The following RTEL1 variants were observed in gnomAD, a reference collection of about 807,000 sequenced individuals.
RTEL1 encodes the protein regulator of telomere elongation helicase 1.
RTEL1 carries 86 observed loss-of-function variants against 162.2 expected under a neutral mutation model. The observed-to-expected ratio is 0.53, with a 90% CI of 0.45 to 0.63. The LOEUF (loss-of-function observed/expected upper bound fraction) is 0.63, where lower values mean the gene tolerates loss of function less well. Ranked by LOEUF, RTEL1 falls within the 30% of genes least tolerant of loss-of-function variation. The probability of loss-of-function intolerance (pLI) is 0.00; values close to 1 mark genes in which losing one functional copy is unlikely to be tolerated. For synonymous variants in RTEL1, 958 were observed against 717.9 expected (o/e 1.33, Z -5.35); for missense variants, 1,941 against 1,750.2 (o/e 1.11, Z -1.95).
At position 63,678,251 on chromosome 20, in the gene RTEL1, ACCT is replaced by A. The variant is rs780132435; in HGVS notation, c.959-12_959-10del. 3 of 1,611,576 alleles carry A rather than the reference ACCT, an allele frequency of 1.9e-6. No homozygotes were observed. Among genetic ancestry groups the A allele is most frequent in the South Asian group, 1.1e-5 (1 of 90,970 alleles). ...TCCTCCTTGCGAGGAGGTGGGTGAC[ACCT>A]CCTCGACCCACAGTGATCCTGCTGC... On this transcript the variant is annotated splice_polypyrimidine_tract_variant and intron_variant, in intron 11 of 34. Transcript: ENST00000360203.
chr20:63,685,456 G>T, intron 14 of RTEL1, 67 bp from the exon 15 acceptor site: 1 of 1,513,226 alleles, frequency 6.6e-7, no homozygotes, highest in Non-Finnish European at 9.1e-7. Context: ...CTGTGTATGC[G>T]GCTGATGCTG....
rs542801049 is a variant in RTEL1, at chr20:63,690,457, G to A, written c.2413+16G>A. ...AGGTCCTCAGGTGCGGACGGGCAGC[G>A]CTGGGTGGGCGGTGTGGGGGTGGCG... On this transcript the variant is annotated intron_variant, in intron 26 of 34. Coordinates refer to ENST00000360203, the MANE Select transcript of RTEL1 (RefSeq NM_001283009.2). 32 of 1,551,874 alleles carry A rather than the reference G, an allele frequency of 2.1e-5. No homozygotes were observed. The highest frequency in any genetic ancestry group is 1.8e-4 in the South Asian group (15 of 83,802).
In RTEL1 at chr20:63,662,867, T is replaced by C. The variant is rs1182512155; in HGVS notation, c.516T>C (p.Cys172=). ...GTAAGAAGGTGGCAAGTCGCTCCTG[T>C]CATTTCTACAACAACGTAGAAGGTA... is the stretch of plus-strand genomic sequence containing the variant. ...LCRKKVASRS[C]HFYNNVEEKS... is the part of the protein sequence containing the mutation. Residue 172 remains cysteine, a synonymous_variant, in exon 6 of 35, where the codon TGT becomes TGC. Coordinates refer to ENST00000360203, the MANE Select transcript of RTEL1 (RefSeq NM_001283009.2). 4 of 1,613,912 alleles carry C rather than the reference T, an allele frequency of 2.5e-6. No individual in the cohort carries two copies. The highest frequency in any genetic ancestry group is 3.4e-6 in the Non-Finnish European group (4 of 1,180,040).
rs1555812507 is a variant in RTEL1 at position 63,691,842 on chromosome 20, G to A, written c.2652+5G>A. 1.2e-6 allele frequency: 2 copies of A among 1,607,426 alleles called. No individual in the cohort carries two copies. The highest frequency in any genetic ancestry group is 1.7e-6 in the Non-Finnish European group (2 of 1,178,282). On this transcript the variant is annotated splice_donor_5th_base_variant and intron_variant, in intron 28 of 34. Transcript: ENST00000360203. ...ATCCGGCTGGTCAGCCACCCGGTGCGTGAGCTGTCCCTGCACCTGTGCCGA... is the reference window on the plus strand; with the variant it reads ...ATCCGGCTGGTCAGCCACCCGGTGCATGAGCTGTCCCTGCACCTGTGCCGA...
intron 5 of RTEL1, 87 bp downstream of exon 5, chr20:63,662,714 G>C: frequency 6.2e-7 from 1 of 1,603,520 alleles, no homozygotes; most frequent in Non-Finnish European, 8.5e-7. Flanking sequence ...CTCCCGCTGG[G>C]CTAGGGTTTG....
intron 1 of RTEL1, 200 bp downstream of exon 1, chr20:63,658,666 C>G (rs1218452461): frequency 6.6e-6 from 1 of 152,338 alleles, no homozygotes; most frequent in Non-Finnish European, 1.5e-5. Flanking sequence ...GAGCCCTTGA[C>G]CGGGGCTGGA....
intron 13 of RTEL1, among the ~76,000 whole-genome samples, 163 bp downstream of exon 13, chr20:63,680,109 A>G (rs963445239): frequency 1.3e-5 from 2 of 152,200 alleles, no homozygotes; most frequent in Admixed American, 1.3e-4. Flanking sequence ...CGTTAGTGCC[A>G]CTTGCCAGCT....
intron 30 of RTEL1, 97 bp downstream of exon 30, chr20:63,693,380 C>A: frequency 6.9e-7 from 1 of 1,454,726 alleles, no homozygotes; most frequent in Non-Finnish European, 9.4e-7. Flanking sequence ...TCGGGCCCTG[C>A]TTGGCCCCGC....
intron 1 of RTEL1, chr20:63,658,744 C>T (rs959540148): frequency 6.5e-6 from 1 of 153,690 alleles, no homozygotes; most frequent in Non-Finnish European, 1.5e-5. Flanking sequence ...GGGATTGAGG[C>T]TTAGAGAAGT....
At chr20:63,691,628 C>A (rs961106633) in intron 27 of RTEL1, 114 bp from the exon 28 acceptor site, 2 of 880,996 alleles carry the variant, frequency 2.3e-6, no homozygotes, top group African/African-American at 3.3e-5. Flanking sequence ...CTCCCCCGAC[C>A]TCCATCTTGG....
chr20:63,662,692 C>A (rs41298344), intron 5 of RTEL1, 65 bp downstream of exon 5: 63,503 of 1,606,066 alleles, frequency 0.04, 1,507 homozygotes, highest in Non-Finnish European at 0.048. Flanking sequence ...GTGTCCAGAG[C>A]CCCAGGCTGC....
At chr20:63,685,079 G>C (rs954379803) in intron 14 of RTEL1, among the ~76,000 whole-genome samples, 1 of 150,006 alleles carries the variant, frequency 6.7e-6, no homozygotes, top group African/African-American at 2.5e-5. Context: ...AACACCCTGG[G>C]GTTGCACCAT....
chr20:63,691,079 C>T (rs570180851), intron 27 of RTEL1, 132 bp downstream of exon 27: 150 of 1,011,034 alleles, frequency 1.5e-4, no homozygotes, highest in Non-Finnish European at 1.8e-4. Flanking sequence ...GGCGGGCAAG[C>T]GGGCGGGGGA....
At chr20:63,677,476 A>G (rs116668146) in intron 10 of RTEL1, among the ~76,000 whole-genome samples, 12,311 of 152,158 alleles carry the variant, frequency 0.081, 571 homozygotes, top group Non-Finnish European at 0.09. Context: ...TTAGCCGGGC[A>G]TGGTGGCGCA....
rs746589504 is a variant in RTEL1, at chr20:63,690,387, A to C, written c.2359A>C (p.Arg787=). 1 of 1,607,900 alleles carries C rather than the reference A, an allele frequency of 6.2e-7. No individual in the cohort carries two copies. Among genetic ancestry groups the C allele is most frequent in the South Asian group, 1.1e-5 (1 of 90,932 alleles). Residue 787 remains arginine, a synonymous_variant, in exon 26 of 35, where the codon AGG becomes CGG. Coordinates refer to ENST00000360203, the MANE Select transcript of RTEL1 (RefSeq NM_001283009.2). The part of the protein sequence containing the change: ...AKSPGPFFST[R]KAKSLDLHVP... ...GTCGCCTGGCCCCTTCTTCTCCACC[A>C]GGAAAGCTAAGAGTCTGGACCTGCA...
rs1480924155 is a variant in RTEL1, at chr20:63,688,365, G to T, written c.1701G>T (p.Glu567Asp). 1 of 1,612,464 alleles carries T rather than the reference G, an allele frequency of 6.2e-7. No individual in the cohort carries two copies. Among genetic ancestry groups the T allele is most frequent in the Non-Finnish European group, 8.5e-7 (1 of 1,179,924 alleles). ...LIFFPSYPVM[E>D]KSLEFWRARD... The stretch of plus-strand genomic sequence containing the variant: ...TCTTCCCTTCCTATCCTGTCATGGA[G>T]AAGAGCCTGGAGTTCTGGCGGGTGC... Residue 567 changes from glutamate (E) to aspartate (D), a missense_variant, in exon 20 of 35, where the codon GAG becomes GAT. Glu to Asp is a conservative substitution (Grantham distance 45, BLOSUM62 2). Coordinates refer to ENST00000360203, the MANE Select transcript of RTEL1 (RefSeq NM_001283009.2).
At chr20:63,688,961 C>G in intron 21 of RTEL1, 94 bp from the exon 22 acceptor site, 1 of 1,138,276 alleles carries the variant, frequency 8.8e-7, no homozygotes, top group Non-Finnish European at 1.3e-6. Context: ...TAGGACGATC[C>G]TTCATCTTGG....
chr20:63,680,535 T>C, intron 13 of RTEL1, 129 bp from the exon 14 acceptor site: 2 of 959,558 alleles, frequency 2.1e-6, no homozygotes, highest in South Asian at 2.9e-5. Context: ...CGCTCCACCC[T>C]GGGCCCCCCA....
At chr20:63,677,740 T>G (rs2090385984) in intron 10 of RTEL1, among the ~76,000 whole-genome samples, 3 of 151,100 alleles carry the variant, frequency 2.0e-5, no homozygotes, top group Admixed American at 2.0e-4. Flanking sequence ...TGTGGCCTCT[T>G]CCTTCCCCTG....
Sources: allele counts gnomAD v4.1 joint callset (sites outside exome capture counted in the v4.1 genomes callset), GRCh38; gene constraint gnomAD v4.1.1; transcripts MANE v1.5; gene names NCBI Gene and HGNC (gene_info 2026-07-23, HGNC 2026-07-21).